Variants in LRRC15 observed in about 807,000 individuals in gnomAD.
LRRC15 encodes the protein leucine-rich repeat-containing protein 15.
Under a neutral mutation model 4.3 loss-of-function variants are expected in LRRC15, and 5 were observed. The ratio of observed to expected loss-of-function variants is 1.16; its 90% confidence interval spans 0.61 to 2.44. The LOEUF is 2.44. Ranked by LOEUF, LRRC15 falls within the 30% of genes most tolerant of loss-of-function variation. The probability of loss-of-function intolerance (pLI) is 0.01; values close to 1 mark genes in which losing one functional copy is unlikely to be tolerated. For missense variants in LRRC15, 769 were observed against 747.0 expected (o/e 1.03, Z -0.34); for synonymous variants, 337 against 323.2 (o/e 1.04, Z -0.46).
In LRRC15 at chr3:194,360,425, T is replaced by C. The variant is rs1560045398; in HGVS notation, c.619A>G (p.Asn207Asp). The C allele has an allele frequency of 6.2e-7, 1 of 1,614,208 alleles. No homozygotes were observed. The highest frequency in any genetic ancestry group is 1.1e-5 in the South Asian group (1 of 91,084). Residue 207 changes from asparagine (N) to aspartate (D), a missense_variant, in exon 2 of 2, where the codon AAC (asparagine) becomes GAC (aspartate). Transcript: ENST00000347624. ...CCCATGGGGATATCCGTGAGCCTGT[T>C]CTCATACAGCCGGAGGACCTGGAGG... is the stretch of plus-strand genomic sequence containing the variant. ...GNLQVLRLYE[N>D]RLTDIPMGTF...
At chr3:194,368,613 G>A (rs6762637) in intron 1 of LRRC15, among the ~76,000 whole-genome samples, 113,609 of 151,862 alleles carry the variant, frequency 0.75, 42,800 homozygotes, top group East Asian at 0.94. Flanking sequence ...GCTGCCCAAG[G>A]TAAAGTGACG....
rs1258489687 is a variant in LRRC15 at position 194,358,582 on chromosome 3, G to A, written c.*716C>T. ...TAAAAGGCTGAGCTTGCTGTGCTGG[G>A]GTGTTTCTTCCTTTTCCAGATAAAA... On this transcript the variant is annotated 3_prime_UTR_variant, in exon 2 of 2. Transcript: ENST00000347624. 1 of 152,480 alleles carries A rather than the reference G, an allele frequency of 6.6e-6. No individual in the cohort carries two copies. The highest frequency in any genetic ancestry group is 1.5e-5 in the Non-Finnish European group (1 of 68,026). 9.4% of individuals were successfully genotyped at this position (152,480 alleles called of 1,614,324 possible).
rs572867714 is a variant in LRRC15 at position 194,355,821 on chromosome 3, G to C, written c.*3477C>G. 1.3e-5 allele frequency: 2 copies of C among 152,310 alleles called. No individual in the cohort carries two copies. Among genetic ancestry groups the C allele is most frequent in the African/African-American group, 4.8e-5 (2 of 41,568 alleles). The allele number at this position is 152,310 out of a possible 1,614,324, so 9.4% of individuals were successfully genotyped here. ...GTTGTGGAAATTGTGTCCATGAAAA[G>C]TTCTAAGTAGAACTCTTGTATCTCT... is the stretch of plus-strand genomic sequence containing the variant. On this transcript the variant is annotated 3_prime_UTR_variant, in exon 2 of 2. Transcript: ENST00000347624.
In LRRC15 at chr3:194,359,000, A is replaced by T. The variant is rs1415412421; in HGVS notation, c.*298T>A. The T allele has an allele frequency of 1.1e-5, 3 of 277,180 alleles. No homozygotes were observed. The highest frequency in any genetic ancestry group is 2.0e-5 in the Non-Finnish European group (3 of 147,410). The allele number at this position is 277,180 out of a possible 1,614,324, so 17.2% of individuals were successfully genotyped here. A position where few individuals can be genotyped will look rare whatever the true frequency, so the allele number is the denominator to read the frequency against. On this transcript the variant is annotated 3_prime_UTR_variant, in exon 2 of 2. Coordinates refer to ENST00000347624, the MANE Select transcript of LRRC15 (RefSeq NM_130830.5). ...GCAGGGAAGGCTGTTCTTGGAGGAC[A>T]GGTGGGGAGGATTTGGAGGAAGAGC...
chr3:194,358,906 G>A lies in LRRC15; in HGVS notation c.*392C>T, dbSNP rs1713508671. The A allele has an allele frequency of 5.6e-6, 1 of 178,792 alleles. No individual in the cohort carries two copies. Among genetic ancestry groups the A allele is most frequent in the South Asian group, 1.5e-4 (1 of 6,610 alleles). 11.1% of individuals were successfully genotyped at this position (178,792 alleles called of 1,614,324 possible). A position where few individuals can be genotyped will look rare whatever the true frequency, so the allele number is the denominator to read the frequency against. On this transcript the variant is annotated 3_prime_UTR_variant, in exon 2 of 2. Coordinates refer to ENST00000347624, the MANE Select transcript of LRRC15 (RefSeq NM_130830.5). ...AGGCGAGAGGGGCTATCTCAGCGGA[G>A]AACTATTCCCACGAAGTGAGCAGGC...
chr3:194,363,507 G>T lies in LRRC15; in HGVS notation c.-3-2461C>A, dbSNP rs567257681. The T allele has an allele frequency of 3.4e-4, 169 of 491,196 alleles. 3 individuals are homozygous for T. In the South Asian group the frequency reaches 5.2e-3, roughly 15 times the overall value. The allele number at this position is 491,196 out of a possible 1,614,324, so 30.4% of individuals were successfully genotyped here. A position where few individuals can be genotyped will look rare whatever the true frequency, so the allele number is the denominator to read the frequency against. ...TAAACAGAATACACCAAAAAAAGTG[G>T]CTCAATATTCACCCTAGGAGAAGAC... On this transcript the variant is annotated intron_variant, in intron 1 of 1. Transcript: ENST00000347624.
At chr3:194,366,282 G>A (rs1189928066) in intron 1 of LRRC15, among the ~76,000 whole-genome samples, 1 of 152,232 alleles carries the variant, frequency 6.6e-6, no homozygotes, top group African/African-American at 2.4e-5. Flanking sequence ...CTGCTGTGAG[G>A]ATTAAACGAG....
At position 194,360,210 on chromosome 3, in the gene LRRC15, C is replaced by G. The variant is rs781672827; in HGVS notation, c.834G>C (p.Gly278=). 1.2e-6 allele frequency: 2 copies of G among 1,613,828 alleles called. No homozygotes were observed. The highest frequency in any genetic ancestry group is 1.7e-6 in the Non-Finnish European group (2 of 1,179,748). ...LPQLNRLTLF[G]NSLKELSPGI... is the part of the protein sequence containing the mutation. ...CCGGAGAGAGCTCCTTCAGGGAATT[C>G]CCAAAGAGAGTAAGACGGTTGAGCT... The change falls in exon 2 of 2, where the codon GGG becomes GGC. Residue 278 remains glycine (G), a synonymous_variant. Coordinates refer to ENST00000347624, the MANE Select transcript of LRRC15 (RefSeq NM_130830.5).
intron 1 of LRRC15, among the ~76,000 whole-genome samples, chr3:194,362,787 A>T (rs559565525): frequency 4.1e-4 from 62 of 151,854 alleles, no homozygotes; most frequent in African/African-American, 1.3e-3. Context: ...GTGGCTCTGA[A>T]CTCACGGGGT....
intron 1 of LRRC15, among the ~76,000 whole-genome samples, chr3:194,364,795 C>T (rs1713730435): frequency 6.6e-6 from 1 of 152,274 alleles, no homozygotes; most frequent in Admixed American, 6.5e-5. Flanking sequence ...ATCCCAGCAC[C>T]ACATGCAGCA....
Position 194,359,778 on chromosome 3 carries a change from G to T in LRRC15, c.1266C>A (p.Asp422Glu). 6.2e-7 allele frequency: 1 copy of T among 1,614,146 alleles called. No homozygotes were observed. Among genetic ancestry groups the T allele is most frequent in the Non-Finnish European group, 8.5e-7 (1 of 1,180,024 alleles). Residue 422 changes from aspartate to glutamate, a missense_variant, in exon 2 of 2, where the codon GAC becomes GAA. Physicochemically the swap from Asp to Glu is conservative, Grantham distance 45. Coordinates refer to ENST00000347624, the MANE Select transcript of LRRC15 (RefSeq NM_130830.5). ...TGTCTGAGTCACACCTCCAGGGATT[G>T]TCATACAGCCGCAGCTCACACAGTT... Reference protein sequence around the residue: ...LGKLCELRLYDNPWRCDSDIL... With the variant: ...LGKLCELRLYENPWRCDSDIL...
In LRRC15 at chr3:194,360,963, G is replaced by A. The variant is rs13090956; in HGVS notation, c.81C>T (p.Ser27=). 0.096 allele frequency: 151,189 copies of A among 1,573,176 alleles called. 7,856 individuals carry two copies. Among genetic ancestry groups the A allele is most frequent in the Non-Finnish European group, 0.1 (120,656 of 1,163,448 alleles). ...GAGLAYHGCP[S]ECTCSRASQV... ...GGGAGGCCCTGGAGCAGGTACACTC[G>A]CTAGGGCAGCCATGGTAGGCCAACC... Residue 27 remains serine, a synonymous_variant, in exon 2 of 2, where the codon AGC becomes AGT. Coordinates refer to ENST00000347624, the MANE Select transcript of LRRC15 (RefSeq NM_130830.5).
At chr3:194,361,303 C>T (rs1006378504) in intron 1 of LRRC15, among the ~76,000 whole-genome samples, 4 of 152,240 alleles carry the variant, frequency 2.6e-5, no homozygotes, top group Non-Finnish European at 4.4e-5. Flanking sequence ...CATGCTTCCA[C>T]GTCCAACTCC....
At chr3:194,363,332 G>A in intron 1 of LRRC15, 1 of 710,942 alleles carries the variant, frequency 1.4e-6, no homozygotes, top group Middle Eastern at 2.3e-4. Flanking sequence ...TAGAACAATG[G>A]AAACAAGAAA....
rs1713466625 is a variant in LRRC15, at chr3:194,357,493, G to A, written c.*1805C>T. Reference sequence around the variant, plus strand: ...CTCCATTTCACTGTAAACTGGGCCAGTTGTCCAGAGAAAGACACACGTTGC... The same window carrying A: ...CTCCATTTCACTGTAAACTGGGCCAATTGTCCAGAGAAAGACACACGTTGC... On this transcript the variant is annotated 3_prime_UTR_variant, in exon 2 of 2. Transcript: ENST00000347624. 2.0e-5 allele frequency: 3 copies of A among 152,328 alleles called. No individual in the cohort carries two copies. Among genetic ancestry groups the A allele is most frequent in the South Asian group, 4.1e-4 (2 of 4,826 alleles). 9.4% of individuals were successfully genotyped at this position (152,328 alleles called of 1,614,324 possible). A position where few individuals can be genotyped will look rare whatever the true frequency, so the allele number is the denominator to read the frequency against.
chr3:194,369,247 G>A (rs6765686), intron 1 of LRRC15, among the ~76,000 whole-genome samples: 17,547 of 152,270 alleles, frequency 0.12, 1,196 homozygotes, highest in African/African-American at 0.17. Context: ...TGGCACAGGC[G>A]CAAATAATCT....
chr3:194,358,385 A>G lies in LRRC15; in HGVS notation c.*913T>C, dbSNP rs1371875898. On this transcript the variant is annotated 3_prime_UTR_variant, in exon 2 of 2. Transcript: ENST00000347624. ...TTCACATGCTTCAATTAAAAATTTTAAAACAAACTCTAGGGGTGAACACAG... is the reference window on the plus strand; with the variant it reads ...TTCACATGCTTCAATTAAAAATTTTGAAACAAACTCTAGGGGTGAACACAG... The G allele has an allele frequency of 6.6e-6, 1 of 152,248 alleles. No homozygotes were observed. The highest frequency in any genetic ancestry group is 1.5e-5 in the Non-Finnish European group (1 of 68,044). 9.4% of individuals were successfully genotyped at this position (152,248 alleles called of 1,614,324 possible).
rs770551483 is a variant in LRRC15 at position 194,360,484 on chromosome 3, TG to T, written c.559del (p.His187ThrfsTer95). The T allele has an allele frequency of 4.3e-5, 70 of 1,613,926 alleles. 1 individual carries two copies. Among genetic ancestry groups the T allele is most frequent in the Non-Finnish European group, 5.3e-5 (63 of 1,180,004 alleles). The stretch of plus-strand genomic sequence containing the variant: ...GTGCTGGAAGACCCTGGGTGAGATG[TG>T]GGTGAGGCTATTCTTGCCCAGATTG... ...KLNLGKNSLTHISPRVFQHLG... is the reference protein window; with the variant it reads ...KLNLGKNSLTXISPRVFQHLG... On this transcript the variant is annotated frameshift_variant, in exon 2 of 2. Coordinates refer to ENST00000347624, the MANE Select transcript of LRRC15 (RefSeq NM_130830.5). LOFTEE classifies it low-confidence loss of function (END_TRUNC).
Position 194,359,947 on chromosome 3 carries a change from T to C in LRRC15, c.1097A>G (p.Asn366Ser). 3 of 1,614,166 alleles carry C rather than the reference T, an allele frequency of 1.9e-6. No homozygotes were observed. Among genetic ancestry groups the C allele is most frequent in the Non-Finnish European group, 2.5e-6 (3 of 1,180,028 alleles). Residue 366 changes from asparagine (N) to serine (S), a missense_variant, in exon 2 of 2, where the codon AAC (asparagine) becomes AGC (serine). By Grantham distance (46) the Asn-to-Ser change is conservative. Transcript: ENST00000347624. ...LDGNVFRMLA[N>S]LQNISLQNNR... ...GTTCTGCAGGGAGATGTTCTGCAGG[T>C]TGGCCAACATGCGGAAGACGTTCCC... is the stretch of plus-strand genomic sequence containing the variant.
Sources: gnomAD v4.1 joint callset for allele counts (sites outside exome capture counted in the v4.1 genomes callset) on GRCh38, gnomAD v4.1.1 for gene constraint, MANE v1.5 for transcripts, NCBI Gene and HGNC (gene_info 2026-07-23, HGNC 2026-07-21) for gene names.